CRACD: variants seen among roughly 807,000 people sequenced by gnomAD.
CRACD encodes capping protein inhibiting regulator of actin dynamics.
CRACD carries 56 observed loss-of-function variants against 106.8 expected under a neutral mutation model. The ratio of observed to expected loss-of-function variants is 0.52; its 90% CI spans 0.42 to 0.66. CRACD has a LOEUF of 0.66. CRACD is among the 30% of genes least tolerant of loss of function. CRACD has a pLI of 0.00. For missense variants in CRACD, 1,730 were observed against 1,623.2 expected, an observed-to-expected ratio of 1.07 and a Z score of -1.13; for synonymous variants, 754 against 670.8, an observed-to-expected ratio of 1.12 and a Z score of -1.92.
chr4:56,316,214 A>T lies in CRACD; in HGVS notation c.2712A>T (p.Pro904=). The change falls in exon 8 of 11, where the codon CCA becomes CCT. Residue 904 remains proline, a synonymous_variant. Transcript: ENST00000682029. ...AGGGTGTGGCCCTCAAGCATGGTCC[A>T]TCCCTCCCCCAAGAGCGGAAGCAAG... is the stretch of plus-strand genomic sequence containing the variant. ...EMEGVALKHG[P]SLPQERKQAP... 1 of 1,614,060 alleles carries T rather than the reference A, an allele frequency of 6.2e-7. No homozygotes were observed. Among genetic ancestry groups the T allele is most frequent in the Non-Finnish European group, 8.5e-7 (1 of 1,179,942 alleles).
At chr4:56,267,619 T>C (rs969099940) in intron 2 of CRACD, among the ~76,000 whole-genome samples, 15 of 152,284 alleles carry the variant, frequency 9.9e-5, no homozygotes, top group African/African-American at 3.6e-4. Context: ...AGGACCTCTT[T>C]TTTTCTTACG....
chr4:56,161,259 T>C (rs1408207156), intron 1 of CRACD, among the ~76,000 whole-genome samples: 6 of 152,144 alleles, frequency 3.9e-5, no homozygotes, highest in African/African-American at 1.4e-4. Flanking sequence ...TGCATAAATT[T>C]ACATGTTTAG....
chr4:56,050,675 T>C (rs1731844338), intron 1 of CRACD, among the ~76,000 whole-genome samples: 1 of 152,284 alleles, frequency 6.6e-6, no homozygotes, highest in South Asian at 2.1e-4. Flanking sequence ...GAAAAAAAAT[T>C]TCAAAGGCAG....
chr4:56,218,016 A>T (rs576229199), intron 2 of CRACD, among the ~76,000 whole-genome samples: 2 of 151,784 alleles, frequency 1.3e-5, no homozygotes, highest in South Asian at 4.1e-4. Flanking sequence ...CTTGTACATG[A>T]TGTTGTCCCT....
chr4:56,300,070 G>A (rs1358731717), intron 4 of CRACD, among the ~76,000 whole-genome samples: 5 of 151,994 alleles, frequency 3.3e-5, no homozygotes, highest in Admixed American at 1.3e-4. Flanking sequence ...CCCGGGAGGT[G>A]GAGGTTGCAG....
intron 1 of CRACD, among the ~76,000 whole-genome samples, chr4:56,125,417 T>A (rs544136579): frequency 3.3e-5 from 5 of 149,782 alleles, no homozygotes; most frequent in African/African-American, 1.2e-4. Context: ...TTAAAAACAA[T>A]TTTTTTTTTA....
chr4:56,197,920 G>T (rs1057190974), intron 2 of CRACD, among the ~76,000 whole-genome samples: 1 of 152,040 alleles, frequency 6.6e-6, no homozygotes, highest in Non-Finnish European at 1.5e-5. Context: ...CTTCTGATCC[G>T]CCCGCCTCGG....
rs572003455 is a variant in CRACD at position 56,214,652 on chromosome 4, A to ACTCTCTCTCTCT, written c.-189+35241_-189+35252dup. ...CTCCAGCCTGGCGACAGAGCTAGAC[A>ACTCTCTCTCTCT]CTCTCTCTCTCTCTCTCTCTCTCTC... On this transcript the variant is annotated intron_variant, in intron 2 of 10. Coordinates refer to ENST00000682029, the MANE Select transcript of CRACD (RefSeq NM_001393381.1). 5.5e-3 allele frequency among the ~76,000 whole-genome samples: 563 copies of ACTCTCTCTCTCT among 101,854 alleles called. 25 individuals carry two copies. Among genetic ancestry groups the ACTCTCTCTCTCT allele is most frequent in the East Asian group, 0.011 (35 of 3,216 alleles). The allele number at this position is 101,854 out of a possible 152,430, so 66.8% of individuals were successfully genotyped here.
rs372203605 is a variant in CRACD at position 56,313,310 on chromosome 4, C to T, written c.468C>T (p.Ala156=). The T allele has an allele frequency of 2.5e-5, 41 of 1,614,074 alleles. 2 individuals carry two copies. The highest frequency in any genetic ancestry group is 2.0e-4 in the South Asian group (18 of 91,086). Residue 156 remains alanine (A), a synonymous_variant, in exon 7 of 11, where the codon GCC becomes GCT. Coordinates refer to ENST00000682029, the MANE Select transcript of CRACD (RefSeq NM_001393381.1). ...PLAIARLDNS[A]AKHKLAVKPK... Reference sequence around the variant, plus strand: ...CCATCGCTCGCCTGGACAACAGTGCCGCCAAGCACAAGCTGGCTGTTAAGC... The same window carrying T: ...CCATCGCTCGCCTGGACAACAGTGCTGCCAAGCACAAGCTGGCTGTTAAGC...
At chr4:56,229,988 GA>G (rs1175650466) in intron 2 of CRACD, among the ~76,000 whole-genome samples, 1 of 152,156 alleles carries the variant, frequency 6.6e-6, no homozygotes, top group Non-Finnish European at 1.5e-5. Flanking sequence ...CTTGGAAAAA[GA>G]AAAGCATGTC....
chr4:56,123,108 T>C (rs1189738595), intron 1 of CRACD, among the ~76,000 whole-genome samples: 1 of 152,222 alleles, frequency 6.6e-6, no homozygotes, highest in Non-Finnish European at 1.5e-5. Flanking sequence ...AGAGTGTAAA[T>C]TACAGATTTC....
intron 1 of CRACD, among the ~76,000 whole-genome samples, chr4:56,154,229 G>T (rs138504977): frequency 0.017 from 2,543 of 152,240 alleles, 30 homozygotes; most frequent in Admixed American, 0.042. Context: ...ACTTTCGGAG[G>T]CTGAGGCAGG....
At chr4:56,070,284 T>C (rs1679305368) in intron 1 of CRACD, among the ~76,000 whole-genome samples, 1 of 149,810 alleles carries the variant, frequency 6.7e-6, no homozygotes. Context: ...CCTCTCTCCC[T>C]ATCTGAGTCC....
Position 56,314,516 on chromosome 4 carries a change from C to T in CRACD, c.1014C>T (p.Asp338=), listed in dbSNP as rs1403508866. The T allele has an allele frequency of 1.3e-6, 2 of 1,512,310 alleles. No homozygotes were observed. Among genetic ancestry groups the T allele is most frequent in the African/African-American group, 1.4e-5 (1 of 71,064 alleles). The allele number at this position is 1,512,310 out of a possible 1,614,324, so 93.7% of individuals were successfully genotyped here. ...QAEERRRLEE[D]ARLEERRRQE... is the part of the protein sequence containing the mutation. ...AGGAGAGGCGGCGGCTGGAGGAGGA[C>T]GCCAGGCTGGAGGAGCGGAGGCGGC... Residue 338 remains aspartate (D), a synonymous_variant, in exon 8 of 11, where the codon GAC becomes GAT. Transcript: ENST00000682029. The surrounding 1 kb of genome is among the most constrained non-coding windows in gnomAD (Gnocchi z 4.4).
intron 2 of CRACD, among the ~76,000 whole-genome samples, chr4:56,191,728 C>G (rs1737377199): frequency 6.6e-6 from 1 of 152,200 alleles, no homozygotes; most frequent in South Asian, 2.1e-4. Context: ...GTGGAACGCC[C>G]AACCACCATG....
intron 2 of CRACD, among the ~76,000 whole-genome samples, chr4:56,267,272 C>T (rs957300663): frequency 1.3e-5 from 2 of 152,092 alleles, no homozygotes; most frequent in Non-Finnish European, 2.9e-5. Flanking sequence ...AGGCACCAGC[C>T]ACCACGCCCA....
Position 56,316,408 on chromosome 4 carries a change from G to A in CRACD, c.2906G>A (p.Ser969Asn). ...CCAGCACTGGCTCCCAAGCCCACCA[G>A]TCAGACCCCACCAGCATCCCCACTT... Reference protein sequence around the residue: ...QKPALAPKPTSQTPPASPLSK... With the variant: ...QKPALAPKPTNQTPPASPLSK... Residue 969 changes from serine (S) to asparagine (N), a missense_variant, in exon 8 of 11, where the codon AGT becomes AAT. Around this residue, in one of 5 missense-constraint regions of CRACD, gnomAD observed 1,620 missense variants for 1,481.6 expected, o/e 1.09. Transcript: ENST00000682029. 1.2e-6 allele frequency: 2 copies of A among 1,614,178 alleles called. No individual in the cohort carries two copies.
At chr4:56,170,172 T>G (rs147377878) in intron 1 of CRACD, 2,557 of 152,418 alleles carry the variant, frequency 0.017, 28 homozygotes, top group Admixed American at 0.041. Context: ...CTTCACTTCT[T>G]GGCTTGCCAC....
chr4:56,315,369 G>T lies in CRACD; in HGVS notation c.1867G>T (p.Gly623Cys). 1 of 1,613,524 alleles carries T rather than the reference G, an allele frequency of 6.2e-7. No homozygotes were observed. Reference protein sequence around the residue: ...IKDTACKSLLGLEEKKHAEAP... With the variant: ...IKDTACKSLLCLEEKKHAEAP... ...GGACACCGCGTGCAAGTCCCTCCTGGGCTTGGAGGAGAAGAAGCACGCGGA... is the reference window on the plus strand; with the variant it reads ...GGACACCGCGTGCAAGTCCCTCCTGTGCTTGGAGGAGAAGAAGCACGCGGA... The change falls in exon 8 of 11, where the codon GGC (glycine) becomes TGC (cysteine). Residue 623 changes from glycine (G) to cysteine (C), a missense_variant. This residue lies in a region of CRACD where 1,620 missense variants were observed against 1,481.6 expected (regional missense o/e 1.09). Transcript: ENST00000682029. The surrounding 1 kb of genome is among the most constrained non-coding windows in gnomAD (Gnocchi z 4.1).
Sources: allele counts gnomAD v4.1 joint callset (sites outside exome capture counted in the v4.1 genomes callset), GRCh38; gene constraint gnomAD v4.1.1; regional missense constraint gnomAD v4.1.1; non-coding constraint Gnocchi (gnomAD v3.1); transcripts MANE v1.5; gene names NCBI Gene and HGNC (gene_info 2026-07-23, HGNC 2026-07-21).